Variants in FANCB observed in about 807,000 individuals in gnomAD.
FANCB encodes Fanconi anemia group B protein.
Under a neutral mutation model 38.9 loss-of-function variants are expected in FANCB, and 5 were observed. The observed-to-expected ratio is 0.13, with a 90% CI of 0.07 to 0.27. The LOEUF (loss-of-function observed/expected upper bound fraction) is 0.27, where lower values mean the gene tolerates loss of function less well. Ranked by LOEUF, FANCB falls within the 10% of genes least tolerant of loss-of-function variation. FANCB has a pLI of 1.00. For synonymous variants in FANCB, 236 were observed against 215.4 expected (o/e 1.10, Z -0.84); for missense variants, 573 against 602.7 (o/e 0.95, Z 0.52).
the FANCB span, among the ~76,000 whole-genome samples, chrX:14,740,892 G>A: frequency 9.0e-6 from 1 of 110,856 alleles, no homozygotes; most frequent in Non-Finnish European, 1.9e-5. Context: ...ATTTTTCACA[G>A]CATTTGACAC....
At chrX:14,750,579 A>G in the FANCB span, among the ~76,000 whole-genome samples, 2 of 111,262 alleles carry the variant, frequency 1.8e-5, no homozygotes. Context: ...AGGGTGGTAG[A>G]AAACGTTGTT....
the FANCB span, among the ~76,000 whole-genome samples, chrX:14,778,893 C>T: frequency 1.8e-5 from 2 of 112,240 alleles, no homozygotes; most frequent in Non-Finnish European, 3.8e-5. Flanking sequence ...TCTGTATGTC[C>T]TTCCCGTGGC....
Position 14,850,662 on chromosome X carries a change from C to G in FANCB, c.1339G>C (p.Val447Leu). Residue 447 changes from valine to leucine, a missense_variant, in exon 7 of 10, where the codon GTT (valine) becomes CTT (leucine). Val to Leu is a conservative substitution (Grantham distance 32). Transcript: ENST00000650831. ...TSSAEEKECL[V>L]PLCGEEENSV... ...TTTTCTTCTTCACCACAAAGAGGAA[C>G]AAGACATTCCTTCTAAAAAAAAAAG... 8.7e-7 allele frequency: 1 copy of G among 1,143,234 alleles called. No homozygotes were observed. Among genetic ancestry groups the G allele is most frequent in the Non-Finnish European group, 1.2e-6 (1 of 841,506 alleles). 94.2% of individuals were successfully genotyped at this position (1,143,234 alleles called of 1,213,427 possible).
the FANCB span, among the ~76,000 whole-genome samples, chrX:14,716,744 G>C: frequency 9.0e-6 from 1 of 111,384 alleles, no homozygotes; most frequent in East Asian, 2.8e-4. Flanking sequence ...AAAACCCAGA[G>C]TCCTTGGGCA....
At chrX:14,772,489 C>G in the FANCB span, among the ~76,000 whole-genome samples, 6 of 112,202 alleles carry the variant, frequency 5.3e-5, no homozygotes, top group African/African-American at 1.9e-4. Flanking sequence ...GACTGAGTTG[C>G]ATAGGTGGCA....
At chrX:14,855,000 G>A (rs1276328854) in intron 5 of FANCB, among the ~76,000 whole-genome samples, 1 of 112,040 alleles carries the variant, frequency 8.9e-6, no homozygotes, top group Non-Finnish European at 1.9e-5. Flanking sequence ...AGTTGCCCAT[G>A]TTATCACTAG....
At chrX:14,807,726 C>A in the FANCB span, among the ~76,000 whole-genome samples, 1 of 110,930 alleles carries the variant, frequency 9.0e-6, no homozygotes, top group African/African-American at 3.3e-5. Context: ...CTAACTGTAA[C>A]AAAGCCTGTA....
the FANCB span, among the ~76,000 whole-genome samples, chrX:14,754,879 G>A: frequency 9.0e-6 from 1 of 110,719 alleles, no homozygotes; most frequent in African/African-American, 3.3e-5. Flanking sequence ...AACCAGAAAA[G>A]AATACACAAC....
the FANCB span, among the ~76,000 whole-genome samples, chrX:14,760,966 G>C: frequency 9.0e-6 from 1 of 110,519 alleles, no homozygotes; most frequent in Non-Finnish European, 1.9e-5. Flanking sequence ...GTGAGTCTCT[G>C]TCTCAAAAAC....
the FANCB span, among the ~76,000 whole-genome samples, chrX:14,774,017 A>C: frequency 8.9e-6 from 1 of 112,376 alleles, no homozygotes; most frequent in South Asian, 3.7e-4. Context: ...CAACTGCCTC[A>C]AAGAAGGAGA....
the FANCB span, among the ~76,000 whole-genome samples, chrX:14,736,079 C>T: frequency 5.1e-3 from 563 of 111,252 alleles, 7 homozygotes; most frequent in Non-Finnish European, 6.9e-3. Flanking sequence ...GCGGACACCC[C>T]TCCCCACACC....
the FANCB span, among the ~76,000 whole-genome samples, chrX:14,720,407 T>C: frequency 8.9e-6 from 1 of 111,967 alleles, no homozygotes; most frequent in Non-Finnish European, 1.9e-5. Context: ...GTTAAGCATT[T>C]TGGATACAGT....
the FANCB span, among the ~76,000 whole-genome samples, chrX:14,722,701 G>A: frequency 6.3e-5 from 7 of 111,758 alleles, no homozygotes; most frequent in African/African-American, 2.3e-4. Flanking sequence ...AGTGGGAACT[G>A]CTTCTCTTCT....
At chrX:14,871,786 T>A (rs1252091031) in intron 1 of FANCB, among the ~76,000 whole-genome samples, 2 of 109,823 alleles carry the variant, frequency 1.8e-5, no homozygotes, top group African/African-American at 6.6e-5. Flanking sequence ...ATGACTACAG[T>A]CCCTGAGTGC....
chrX:14,706,524 A>T, the FANCB span, among the ~76,000 whole-genome samples: 1 of 112,242 alleles, frequency 8.9e-6, no homozygotes, highest in African/African-American at 3.2e-5. Flanking sequence ...TTTAATTGTG[A>T]AAGATTTCAA....
the FANCB span, among the ~76,000 whole-genome samples, chrX:14,756,502 G>T: frequency 0.065 from 7,232 of 111,487 alleles, 297 homozygotes; most frequent in African/African-American, 0.14. Flanking sequence ...AAATAATTTA[G>T]ATTTTGAAAT....
At chrX:14,857,087 TACACACATAC>T (rs1295723120) in intron 5 of FANCB, among the ~76,000 whole-genome samples, 1 of 111,560 alleles carries the variant, frequency 9.0e-6, no homozygotes, top group Non-Finnish European at 1.9e-5. Context: ...CAAAAATATA[TACACACATAC>T]ACACACAAAC....
At chrX:14,734,401 C>T in the FANCB span, among the ~76,000 whole-genome samples, 2 of 112,062 alleles carry the variant, frequency 1.8e-5, no homozygotes, top group Non-Finnish European at 3.8e-5. Flanking sequence ...TTCAGGAGCT[C>T]TGGTAAGGCA....
downstream of FANCB, among the ~76,000 whole-genome samples, chrX:14,839,028 T>A (rs1282592425): frequency 9.0e-6 from 1 of 111,562 alleles, no homozygotes; most frequent in Non-Finnish European, 1.9e-5. Context: ...CAGTGGCTCA[T>A]GCCTGTAATC....
Sources: allele counts gnomAD v4.1 joint callset (sites outside exome capture counted in the v4.1 genomes callset), GRCh38; gene constraint gnomAD v4.1.1; transcripts MANE v1.5; gene names NCBI Gene and HGNC (gene_info 2026-07-23, HGNC 2026-07-21).